ASIC2: variants seen among roughly 807,000 people sequenced by gnomAD.
ASIC2 encodes the protein acid-sensing ion channel 2.
Under a neutral mutation model 57.3 loss-of-function variants are expected in ASIC2, and 25 were observed. The ratio of observed to expected loss-of-function variants is 0.44; its 90% CI spans 0.32 to 0.61. The LOEUF is 0.61. ASIC2 is among the 20% of genes least tolerant of loss of function. The probability of loss-of-function intolerance (pLI) is 0.06; values close to 1 mark genes in which losing one functional copy is unlikely to be tolerated. For synonymous variants in ASIC2, 319 were observed against 307.5 expected (o/e 1.04, Z -0.39); for missense variants, 641 against 738.1 (o/e 0.87, Z 1.52).
intron 1 of ASIC2, among the ~76,000 whole-genome samples, chr17:33,622,890 A>G (rs1244123197): frequency 6.6e-6 from 1 of 152,242 alleles, no homozygotes; most frequent in Non-Finnish European, 1.5e-5. Context: ...TAACTCAGTT[A>G]TCAGTTTAAA....
intron 1 of ASIC2, among the ~76,000 whole-genome samples, chr17:33,815,539 T>G (rs1390635450): frequency 2.0e-5 from 3 of 152,206 alleles, no homozygotes; most frequent in African/African-American, 4.8e-5. Flanking sequence ...TCTGAATTCC[T>G]CTTACCAAAC....
intron 1 of ASIC2, among the ~76,000 whole-genome samples, chr17:33,656,773 T>G (rs115192268): frequency 2.0e-5 from 3 of 152,234 alleles, no homozygotes; most frequent in African/African-American, 7.2e-5. Context: ...ATCTGTTTAC[T>G]TACTTGTTTC....
intron 3 of ASIC2, among the ~76,000 whole-genome samples, chr17:33,053,191 T>C (rs1389473091): frequency 6.6e-6 from 1 of 152,222 alleles, no homozygotes; most frequent in Non-Finnish European, 1.5e-5. Context: ...TAGTAAACAA[T>C]ACTTTATTTA....
intron 1 of ASIC2, among the ~76,000 whole-genome samples, chr17:34,099,531 AGAAAG>A (rs57752861): frequency 0.015 from 2,180 of 148,944 alleles, 53 homozygotes; most frequent in East Asian, 0.051. Flanking sequence ...AAAGAAAGAA[AGAAAG>A]GAAAGAAAGA....
chr17:33,192,344 T>G (rs930226450), intron 1 of ASIC2, among the ~76,000 whole-genome samples: 1 of 151,746 alleles, frequency 6.6e-6, no homozygotes, highest in African/African-American at 2.4e-5. Flanking sequence ...GACCATGCCA[T>G]TGCACTCCAG....
intron 1 of ASIC2, among the ~76,000 whole-genome samples, chr17:33,720,544 GT>G (rs1909357898): frequency 1.3e-5 from 2 of 152,176 alleles, no homozygotes; most frequent in African/African-American, 2.4e-5. Context: ...TATATAAAGG[GT>G]TCAGTTCTAG....
At chr17:33,929,287 A>G (rs763538059) in intron 1 of ASIC2, among the ~76,000 whole-genome samples, 60 of 152,074 alleles carry the variant, frequency 3.9e-4, no homozygotes, top group Admixed American at 2.0e-4. Context: ...AGCTGTTTAC[A>G]TGGCTTTCTA....
chr17:34,051,856 C>CACACACACAT (rs1555587248), intron 1 of ASIC2: 2 of 64,288 alleles, frequency 3.1e-5, no homozygotes, highest in African/African-American at 2.3e-4. Flanking sequence ...CATACACACA[C>CACACACACAT]ACAGAGAGAG....
In ASIC2 at chr17:33,388,855, C is replaced by A. The variant is rs556340176; in HGVS notation, c.556-276788G>T. On this transcript the variant is annotated intron_variant, in intron 1 of 9. Coordinates refer to the ASIC2 transcript ENST00000359872. ...GCACTCCCTGTGGTAACCCAGCAATCCAGGCTGCTTCCAACTTGCAAGACC... is the reference window on the plus strand; with the variant it reads ...GCACTCCCTGTGGTAACCCAGCAATACAGGCTGCTTCCAACTTGCAAGACC... 5.9e-5 allele frequency among the ~76,000 whole-genome samples: 9 copies of A among 152,366 alleles called. No homozygotes were observed. In the East Asian group the frequency reaches 1.5e-3, roughly 26 times the overall value.
chr17:33,788,536 A>G lies in ASIC2; in HGVS notation c.555+367442T>C, dbSNP rs150794048. Among the ~76,000 whole-genome samples, 1,324 of 152,320 alleles carry G rather than the reference A, an allele frequency of 8.7e-3. 23 individuals are homozygous for G. Among genetic ancestry groups the G allele is most frequent in the African/African-American group, 0.03 (1,247 of 41,562 alleles). Reference sequence around the variant, plus strand: ...TAGAACCAGAAATACCATTTGACCCAGCAATCTCATTACTGGTTATATACC... The same window carrying G: ...TAGAACCAGAAATACCATTTGACCCGGCAATCTCATTACTGGTTATATACC... On this transcript the variant is annotated intron_variant, in intron 1 of 9. Transcript: ENST00000359872.
rs553576877 is a variant in ASIC2, at chr17:33,409,668, G to T, written c.556-297601C>A. On this transcript the variant is annotated intron_variant, in intron 1 of 9. Coordinates refer to the ASIC2 transcript ENST00000359872. Reference sequence around the variant, plus strand: ...GCAGCAGGCAGCAGTATCTTCTGAAGTTCTGGTAAAGGAGAGTCTTGCGGA... The same window carrying T: ...GCAGCAGGCAGCAGTATCTTCTGAATTTCTGGTAAAGGAGAGTCTTGCGGA... Among the ~76,000 whole-genome samples, 4 of 152,322 alleles carry T rather than the reference G, an allele frequency of 2.6e-5. No homozygotes were observed. In the South Asian group the frequency reaches 6.2e-4, roughly 24 times the overall value.
At chr17:33,140,936 A>G (rs992556691) in intron 1 of ASIC2, among the ~76,000 whole-genome samples, 1 of 152,236 alleles carries the variant, frequency 6.6e-6, no homozygotes, top group African/African-American at 2.4e-5. Context: ...AGACATGGAC[A>G]CAGCATGAGC....
chr17:33,588,566 G>C (rs1023234511), intron 1 of ASIC2, among the ~76,000 whole-genome samples: 2 of 152,190 alleles, frequency 1.3e-5, no homozygotes, highest in African/African-American at 2.4e-5. Flanking sequence ...TGGATGCTGG[G>C]AGGGTAGCAC....
intron 3 of ASIC2, among the ~76,000 whole-genome samples, chr17:33,086,194 A>G (rs1037119087): frequency 1.3e-5 from 2 of 152,198 alleles, no homozygotes; most frequent in African/African-American, 4.8e-5. Context: ...TAGGGGAGGA[A>G]AAAGCACATC....
At chr17:33,755,743 T>C (rs1910584881) in intron 1 of ASIC2, among the ~76,000 whole-genome samples, 1 of 151,930 alleles carries the variant, frequency 6.6e-6, no homozygotes, top group Admixed American at 6.6e-5. Flanking sequence ...TAACGTGACG[T>C]AAGAGTGTGC....
At chr17:33,467,571 T>C (rs567954751) in intron 1 of ASIC2, among the ~76,000 whole-genome samples, 15 of 152,326 alleles carry the variant, frequency 9.8e-5, no homozygotes, top group Admixed American at 7.8e-4. Context: ...AGGAAACATT[T>C]ATAATCTATT....
rs553396140 is a variant in ASIC2, at chr17:33,725,738, T to C, written c.555+430240A>G. Among the ~76,000 whole-genome samples, 817 of 142,102 alleles carry C rather than the reference T, an allele frequency of 5.7e-3. 5 individuals carry two copies. The highest frequency in any genetic ancestry group is 0.049 in the Middle Eastern group (14 of 286). The allele number at this position is 142,102 out of a possible 152,430, so 93.2% of individuals were successfully genotyped here. On this transcript the variant is annotated intron_variant, in intron 1 of 9. Coordinates refer to the ASIC2 transcript ENST00000359872. Reference sequence around the variant, plus strand: ...ATTAAGAAACCCCCCCCCCCTTTTTTTATGCTTTTGCTGTTAGTTTCTTAA... The same window carrying C: ...ATTAAGAAACCCCCCCCCCCTTTTTCTATGCTTTTGCTGTTAGTTTCTTAA...
intron 1 of ASIC2, among the ~76,000 whole-genome samples, chr17:34,081,470 G>T (rs1012771963): frequency 6.6e-6 from 1 of 152,160 alleles, no homozygotes; most frequent in African/African-American, 2.4e-5. Context: ...TCAGGTAGAT[G>T]CCACCAGATG....
chr17:33,703,349 T>C (rs1259263798), intron 1 of ASIC2, among the ~76,000 whole-genome samples: 5 of 151,622 alleles, frequency 3.3e-5, no homozygotes. Context: ...GTTGTTGTTG[T>C]TGTTGTTGTT....
Sources: allele counts gnomAD v4.1 joint callset (sites outside exome capture counted in the v4.1 genomes callset), GRCh38; gene constraint gnomAD v4.1.1; transcripts MANE v1.5; gene names NCBI Gene and HGNC (gene_info 2026-07-23, HGNC 2026-07-21).